GRID2: variants seen among roughly 807,000 people sequenced by gnomAD.
GRID2 encodes glutamate receptor ionotropic, delta-2.
GRID2 carries 33 observed loss-of-function variants against 114.8 expected under a neutral mutation model. The observed-to-expected ratio is 0.29, with a 90% CI of 0.22 to 0.38. The LOEUF is 0.38. GRID2 is among the 10% of genes least tolerant of loss of function. GRID2 has a pLI of 1.00. For missense variants in GRID2, 1,184 were observed against 1,257.7 expected, an observed-to-expected ratio of 0.94 and a Z score of 0.89; for synonymous variants, 505 against 449.9, an observed-to-expected ratio of 1.12 and a Z score of -1.55.
intron 2 of GRID2, among the ~76,000 whole-genome samples, chr4:92,629,984 A>T (rs958515325): frequency 6.6e-6 from 1 of 150,572 alleles, no homozygotes; most frequent in Non-Finnish European, 1.5e-5. Context: ...TGCAATGCTT[A>T]TAGGAATCCA....
At chr4:93,757,983 A>G (rs1462452121) in intron 14 of GRID2, among the ~76,000 whole-genome samples, 1 of 152,182 alleles carries the variant, frequency 6.6e-6, no homozygotes, top group Non-Finnish European at 1.5e-5. Flanking sequence ...AAGAAAAAGA[A>G]AAAGGAACCT....
chr4:93,557,220 G>C (rs552904123), intron 13 of GRID2, among the ~76,000 whole-genome samples: 6 of 152,112 alleles, frequency 3.9e-5, no homozygotes. Context: ...CATAATGACA[G>C]GGTCAAATTC....
intron 8 of GRID2, among the ~76,000 whole-genome samples, chr4:93,347,927 A>T (rs552021520): frequency 6.6e-6 from 1 of 152,126 alleles, no homozygotes; most frequent in African/African-American, 2.4e-5. Flanking sequence ...GAAATTTTCT[A>T]ATATCTGTGT....
At chr4:93,623,425 G>A (rs1252402078) in intron 13 of GRID2, among the ~76,000 whole-genome samples, 1 of 152,042 alleles carries the variant, frequency 6.6e-6, no homozygotes, top group African/African-American at 2.4e-5. Flanking sequence ...GAGAATGATG[G>A]TTTCCAGCTT....
intron 1 of GRID2, among the ~76,000 whole-genome samples, chr4:92,334,438 G>T (rs1377258183): frequency 6.6e-6 from 1 of 152,142 alleles, no homozygotes; most frequent in Admixed American, 6.6e-5. Flanking sequence ...TGCAAGAACA[G>T]AGATTTATTT....
chr4:93,674,218 TG>T (rs1724663163), intron 14 of GRID2, among the ~76,000 whole-genome samples: 1 of 152,194 alleles, frequency 6.6e-6, no homozygotes, highest in Admixed American at 6.6e-5. Flanking sequence ...GTCTGCCCTG[TG>T]CCTCAGGTTC....
At chr4:92,344,492 A>C (rs536973487) in intron 1 of GRID2, among the ~76,000 whole-genome samples, 144 of 152,328 alleles carry the variant, frequency 9.5e-4, no homozygotes, top group African/African-American at 2.7e-3. Context: ...TTTTCCTTAC[A>C]AACTTAGTGG....
intron 1 of GRID2, among the ~76,000 whole-genome samples, chr4:92,521,545 T>G (rs1264477043): frequency 6.6e-6 from 1 of 151,960 alleles, no homozygotes; most frequent in African/African-American, 2.4e-5. Flanking sequence ...TGCATAGAAT[T>G]CCTTTATTCA....
chr4:92,516,306 A>T (rs1724498123), intron 1 of GRID2, among the ~76,000 whole-genome samples: 1 of 151,904 alleles, frequency 6.6e-6, no homozygotes, highest in South Asian at 2.1e-4. Flanking sequence ...ATTCTATAAC[A>T]ATTCTTTGAA....
At chr4:92,547,784 G>A (rs908047364) in intron 1 of GRID2, among the ~76,000 whole-genome samples, 1 of 151,922 alleles carries the variant, frequency 6.6e-6, no homozygotes, top group Non-Finnish European at 1.5e-5. Context: ...GGATTTAAAT[G>A]AGGATTTAGA....
At chr4:93,131,751 T>A (rs1487090285) in intron 4 of GRID2, among the ~76,000 whole-genome samples, 3 of 152,154 alleles carry the variant, frequency 2.0e-5, no homozygotes, top group African/African-American at 7.2e-5. Context: ...CCTCAAACAT[T>A]AATCATTTCT....
chr4:93,177,321 A>C (rs1342149928), intron 4 of GRID2, among the ~76,000 whole-genome samples: 1 of 152,164 alleles, frequency 6.6e-6, no homozygotes, highest in East Asian at 1.9e-4. Flanking sequence ...TAAATATAAT[A>C]GCTAATATTT....
rs557108182 is a variant in GRID2, at chr4:92,826,106, T to C, written c.244+235820T>C. On this transcript the variant is annotated intron_variant, in intron 2 of 15. Transcript: ENST00000282020. ...TTCAGAGTAAATGCCAAAGTCCTTT[T>C]TCAGAGCTAGAAATCCTATGTAATC... Among the ~76,000 whole-genome samples, 11 of 152,240 alleles carry C rather than the reference T, an allele frequency of 7.2e-5. No individual in the cohort carries two copies. The South Asian group carries it at 2.3e-3, about 32-fold the overall frequency.
intron 2 of GRID2, among the ~76,000 whole-genome samples, chr4:92,781,608 A>T: frequency 6.6e-6 from 1 of 151,888 alleles, no homozygotes; most frequent in East Asian, 1.9e-4. Context: ...TACCTTCATA[A>T]TTTTTTGCAG....
intron 2 of GRID2, among the ~76,000 whole-genome samples, chr4:92,751,562 C>T (rs1737455928): frequency 6.6e-6 from 1 of 152,164 alleles, no homozygotes; most frequent in African/African-American, 2.4e-5. Flanking sequence ...TCAATGTTCT[C>T]TTTTCCACAG....
At chr4:92,535,996 A>G (rs570358817) in intron 1 of GRID2, among the ~76,000 whole-genome samples, 1 of 152,198 alleles carries the variant, frequency 6.6e-6, no homozygotes, top group African/African-American at 2.4e-5. Context: ...GTTATAGCTC[A>G]TTGTTACAGC....
chr4:92,672,922 T>G (rs1733147278), intron 2 of GRID2, among the ~76,000 whole-genome samples: 1 of 152,136 alleles, frequency 6.6e-6, no homozygotes. Context: ...TTCTCAGTTC[T>G]TCTACTAAGT....
At chr4:92,687,570 C>T (rs527674775) in intron 2 of GRID2, among the ~76,000 whole-genome samples, 6 of 152,254 alleles carry the variant, frequency 3.9e-5, no homozygotes, top group Non-Finnish European at 1.5e-5. Context: ...TGGCTCAAGC[C>T]TGTAATCCCA....
intron 2 of GRID2, among the ~76,000 whole-genome samples, chr4:92,901,826 T>G (rs1320856103): frequency 6.6e-6 from 1 of 150,954 alleles, no homozygotes; most frequent in African/African-American, 2.4e-5. Flanking sequence ...TATCTTTTTG[T>G]GTGTGTGTGT....
Sources: allele counts gnomAD v4.1 joint callset (sites outside exome capture counted in the v4.1 genomes callset), GRCh38; gene constraint gnomAD v4.1.1; transcripts MANE v1.5; gene names NCBI Gene and HGNC (gene_info 2026-07-23, HGNC 2026-07-21).